The following CACNA1D variants were observed in gnomAD, a reference collection of about 807,000 sequenced individuals.
CACNA1D encodes voltage-dependent L-type calcium channel subunit alpha-1D.
A neutral mutation model predicts 257.1 loss-of-function variants in CACNA1D; 55 were observed. The observed-to-expected ratio is 0.21, with a 90% CI of 0.17 to 0.27. The LOEUF is 0.27. Ranked by LOEUF, CACNA1D falls within the 10% of genes least tolerant of loss-of-function variation. The probability of loss-of-function intolerance (pLI) is 1.00; values close to 1 mark genes in which losing one functional copy is unlikely to be tolerated. For missense variants in CACNA1D, 1,876 were observed against 2,784.0 expected (o/e 0.67, Z 7.34); for synonymous variants, 980 against 1,014.9 (o/e 0.97, Z 0.65).
At chr3:53,788,090 G>T (rs2095465324) in intron 40 of CACNA1D, among the ~76,000 whole-genome samples, 1 of 152,128 alleles carries the variant, frequency 6.6e-6, no homozygotes, top group Non-Finnish European at 1.5e-5. Context: ...GCTTATCTTT[G>T]ATCTTGCTGA....
chr3:53,636,745 C>T (rs1489907851), intron 3 of CACNA1D, among the ~76,000 whole-genome samples: 1 of 152,246 alleles, frequency 6.6e-6, no homozygotes, highest in Non-Finnish European at 1.5e-5. Context: ...ACAATCCTCT[C>T]TCCTCCATTA....
At chr3:53,777,664 A>G (rs2095405544) in intron 37 of CACNA1D, among the ~76,000 whole-genome samples, 1 of 152,142 alleles carries the variant, frequency 6.6e-6, no homozygotes. Flanking sequence ...CCCCTCTGCT[A>G]CAGAGCTTTG....
chr3:53,781,561 T>A lies in CACNA1D; in HGVS notation c.4691-5T>A, dbSNP rs1392862071. On this transcript the variant is annotated splice_region_variant and splice_polypyrimidine_tract_variant and intron_variant, in intron 38 of 47. Coordinates refer to ENST00000350061, the MANE Select transcript of CACNA1D (RefSeq NM_001128840.3). ...TGCTTTTCCCCTTTTGTTTTTTGAATCCAGGGAACCTGGAGCAAGCTAATG... is the reference window on the plus strand; with the variant it reads ...TGCTTTTCCCCTTTTGTTTTTTGAAACCAGGGAACCTGGAGCAAGCTAATG... The A allele has an allele frequency of 6.2e-7, 1 of 1,604,630 alleles. No homozygotes were observed. Among genetic ancestry groups the A allele is most frequent in the Non-Finnish European group, 8.5e-7 (1 of 1,171,338 alleles).
chr3:53,730,975 C>G lies in CACNA1D; in HGVS notation c.2337-102C>G, dbSNP rs188665870. ...GGTTAGTGTTGTTTCTAATTAAATT[C>G]TGTCCTTCATTGGAGCATTATTGAT... On this transcript the variant is annotated intron_variant, in intron 16 of 47. Transcript: ENST00000350061. 5.9e-4 allele frequency: 448 copies of G among 756,174 alleles called. 1 individual carries two copies. In the African/African-American group the frequency reaches 6.6e-3, roughly 11 times the overall value. 46.8% of individuals were successfully genotyped at this position (756,174 alleles called of 1,614,324 possible). A position where few individuals can be genotyped will look rare whatever the true frequency, so the allele number is the denominator to read the frequency against.
chr3:53,560,253 C>T (rs1312258465), intron 3 of CACNA1D, among the ~76,000 whole-genome samples: 2 of 152,000 alleles, frequency 1.3e-5, no homozygotes, highest in Non-Finnish European at 2.9e-5. Flanking sequence ...TCTCATTTCT[C>T]AATCTATTTG....
At chr3:53,552,869 T>C (rs2092563708) in intron 3 of CACNA1D, among the ~76,000 whole-genome samples, 1 of 152,246 alleles carries the variant, frequency 6.6e-6, no homozygotes, top group African/African-American at 2.4e-5. Context: ...TACAAACTTT[T>C]TCAGGTCAGG....
chr3:53,784,366 C>A (rs559250112), intron 39 of CACNA1D, among the ~76,000 whole-genome samples: 1 of 152,176 alleles, frequency 6.6e-6, no homozygotes, highest in East Asian at 1.9e-4. Flanking sequence ...CTTTTCAGTC[C>A]GGAGCCCAGA....
At chr3:53,638,661 A>T (rs2093913970) in intron 3 of CACNA1D, among the ~76,000 whole-genome samples, 1 of 152,210 alleles carries the variant, frequency 6.6e-6, no homozygotes, top group South Asian at 2.1e-4. Flanking sequence ...AGCTGCAGTG[A>T]GGAGGGGTAA....
intron 8 of CACNA1D, among the ~76,000 whole-genome samples, chr3:53,680,782 T>G (rs2094422808): frequency 2.6e-5 from 4 of 152,254 alleles, no homozygotes; most frequent in Admixed American, 2.6e-4. Context: ...AGAAACAAAT[T>G]GATGATTGTC....
chr3:53,735,273 C>T, intron 19 of CACNA1D, 101 bp from the exon 20 acceptor site: 2 of 1,104,292 alleles, frequency 1.8e-6, no homozygotes, highest in Non-Finnish European at 1.4e-6. Flanking sequence ...CAGACAGCTG[C>T]CCTCTGCCTG....
intron 35 of CACNA1D, 88 bp downstream of exon 35, chr3:53,776,133 C>T (rs895871232): frequency 9.2e-6 from 11 of 1,201,984 alleles, no homozygotes; most frequent in Middle Eastern, 1.9e-4. Flanking sequence ...CCTGTCCCAT[C>T]GCCTGAGGAC....
chr3:53,508,546 A>G (rs975870878), intron 3 of CACNA1D, among the ~76,000 whole-genome samples: 5 of 152,214 alleles, frequency 3.3e-5, no homozygotes, highest in Admixed American at 3.3e-4. Flanking sequence ...CTTATCATTT[A>G]GCTCCCGCTT....
intron 12 of CACNA1D, 138 bp downstream of exon 12, chr3:53,722,612 C>T: frequency 1.1e-6 from 1 of 901,894 alleles, no homozygotes. Context: ...TAGAACCATC[C>T]AGACACAGCA....
chr3:53,781,434 C>A, intron 38 of CACNA1D, 132 bp from the exon 39 acceptor site: 1 of 701,108 alleles, frequency 1.4e-6, no homozygotes, highest in Non-Finnish European at 2.6e-6. Context: ...TGGGGAGAGC[C>A]TGGTGGGAGT....
intron 30 of CACNA1D, among the ~76,000 whole-genome samples, chr3:53,763,720 A>G (rs1341603969): frequency 6.6e-6 from 1 of 152,166 alleles, no homozygotes; most frequent in Non-Finnish European, 1.5e-5. Flanking sequence ...AAATCCCTGT[A>G]TGCCACCTAT....
chr3:53,650,485 G>C (rs1225448854), intron 3 of CACNA1D, among the ~76,000 whole-genome samples: 1 of 152,246 alleles, frequency 6.6e-6, no homozygotes, highest in African/African-American at 2.4e-5. Context: ...AAACATGCCT[G>C]TTATGTCCTA....
chr3:53,776,163 T>A, intron 35 of CACNA1D, 118 bp downstream of exon 35: 1 of 936,278 alleles, frequency 1.1e-6, no homozygotes, highest in Non-Finnish European at 1.7e-6. Context: ...GGATGAGCAC[T>A]CTGGACTCCA....
rs2095474710 is a variant in CACNA1D at position 53,789,810 on chromosome 3, A to G, written c.4923+2858A>G. On this transcript the variant is annotated intron_variant, in intron 40 of 47. Coordinates refer to ENST00000350061, the MANE Select transcript of CACNA1D (RefSeq NM_001128840.3). The surrounding 1 kb of genome is among the most constrained non-coding windows in gnomAD (Gnocchi z 4.2). ...ACCTCTGCGCCCCCACCCCCAGGGAATGTTTTTTCAAGGACACATATACGC... is the reference window on the plus strand; with the variant it reads ...ACCTCTGCGCCCCCACCCCCAGGGAGTGTTTTTTCAAGGACACATATACGC... Among the ~76,000 whole-genome samples, 1 of 152,188 alleles carries G rather than the reference A, an allele frequency of 6.6e-6. No individual in the cohort carries two copies. Among genetic ancestry groups the G allele is most frequent in the African/African-American group, 2.4e-5 (1 of 41,458 alleles).
intron 3 of CACNA1D, among the ~76,000 whole-genome samples, chr3:53,554,050 G>A (rs976169241): frequency 1.3e-5 from 2 of 151,932 alleles, no homozygotes; most frequent in Non-Finnish European, 2.9e-5. Context: ...CAAAAAATTA[G>A]CTGGGCGTGG....
Sources: allele counts gnomAD v4.1 joint callset (sites outside exome capture counted in the v4.1 genomes callset), GRCh38; gene constraint gnomAD v4.1.1; non-coding constraint Gnocchi (gnomAD v3.1); transcripts MANE v1.5; gene names NCBI Gene and HGNC (gene_info 2026-07-23, HGNC 2026-07-21).